The following CNTLN variants were observed in gnomAD, a reference collection of about 807,000 sequenced individuals.
The protein encoded by CNTLN is centlein, centrosomal protein.
Under a neutral mutation model 180.0 loss-of-function variants are expected in CNTLN, and 212 were observed. The ratio of observed to expected loss-of-function variants is 1.18; its 90% CI spans 1.05 to 1.32. The LOEUF (loss-of-function observed/expected upper bound fraction) is 1.32, where lower values mean the gene tolerates loss of function less well. Among genes scored for constraint, CNTLN ranks in the 40% most tolerant of loss-of-function variants. The pLI is 0.00. For synonymous variants in CNTLN, 722 were observed against 563.1 expected, an observed-to-expected ratio of 1.28 and a Z score of -3.99; for missense variants, 2,095 against 1,610.9, an observed-to-expected ratio of 1.30 and a Z score of -5.14.
chr9:17,415,930 A>G (rs1275076654), intron 17 of CNTLN, 36 bp from the exon 18 acceptor site: 1 of 1,585,842 alleles, frequency 6.3e-7, no homozygotes, highest in Non-Finnish European at 8.6e-7. Flanking sequence ...ATTTAAATCT[A>G]ATTTTTAAAA....
At chr9:17,319,173 G>T (rs989442526) in intron 8 of CNTLN, among the ~76,000 whole-genome samples, 1 of 152,200 alleles carries the variant, frequency 6.6e-6, no homozygotes, top group Non-Finnish European at 1.5e-5. Flanking sequence ...TGTCAGAAGC[G>T]CACTGGCATA....
At chr9:17,518,386 TTA>T in the CNTLN span, among the ~76,000 whole-genome samples, 1 of 152,136 alleles carries the variant, frequency 6.6e-6, no homozygotes, top group Non-Finnish European at 1.5e-5. Flanking sequence ...AGTATACTGT[TTA>T]TGTGCTGTGG....
intron 23 of CNTLN, among the ~76,000 whole-genome samples, chr9:17,482,864 A>G (rs2134305476): frequency 1.3e-5 from 2 of 152,270 alleles, no homozygotes; most frequent in South Asian, 4.1e-4. Flanking sequence ...ATTTTATTTA[A>G]TAATCTTCTA....
In CNTLN at chr9:17,312,674, A is replaced by G. The variant is rs573671785; in HGVS notation, c.1341+3422A>G. On this transcript the variant is annotated intron_variant, in intron 8 of 25. Coordinates refer to ENST00000380647, the MANE Select transcript of CNTLN (RefSeq NM_017738.4). ...CACCTCCGCCTCCCAAAGTGCTGGG[A>G]TTACAGGCGTGAGCCACCACGCCAG... 9.3e-5 allele frequency among the ~76,000 whole-genome samples: 14 copies of G among 149,968 alleles called. No homozygotes were observed. The South Asian group carries it at 2.7e-3, about 29-fold the overall frequency.
intron 7 of CNTLN, among the ~76,000 whole-genome samples, chr9:17,308,575 A>G (rs1457743328): frequency 6.6e-6 from 1 of 152,108 alleles, no homozygotes; most frequent in Admixed American, 6.5e-5. Context: ...TTAAACTGAT[A>G]TACCTTGTGC....
intron 13 of CNTLN, among the ~76,000 whole-genome samples, chr9:17,382,986 A>G (rs1201837161): frequency 2.6e-5 from 4 of 152,130 alleles, no homozygotes; most frequent in Non-Finnish European, 4.4e-5. Context: ...ACACAGTACT[A>G]TATTCCTTTC....
intron 12 of CNTLN, among the ~76,000 whole-genome samples, chr9:17,359,146 G>C (rs1232706272): frequency 6.6e-6 from 1 of 151,934 alleles, no homozygotes; most frequent in African/African-American, 2.4e-5. Context: ...AGCCCCCCAA[G>C]TAGTTGGTAC....
At chr9:17,441,870 G>C (rs1035026308) in intron 18 of CNTLN, among the ~76,000 whole-genome samples, 2 of 151,962 alleles carry the variant, frequency 1.3e-5, no homozygotes, top group African/African-American at 4.8e-5. Context: ...CCATACAAAG[G>C]GTAAGCAAAG....
At chr9:17,403,943 T>G (rs1363906708) in intron 15 of CNTLN, among the ~76,000 whole-genome samples, 2 of 151,572 alleles carry the variant, frequency 1.3e-5, no homozygotes, top group Non-Finnish European at 2.9e-5. Flanking sequence ...ACCCGGCTAA[T>G]TTTTGTATTT....
intron 25 of CNTLN, among the ~76,000 whole-genome samples, chr9:17,490,916 A>C (rs1227363257): frequency 6.6e-6 from 1 of 152,124 alleles, no homozygotes; most frequent in Non-Finnish European, 1.5e-5. Flanking sequence ...AAATATGAGT[A>C]AATGATATAA....
intron 18 of CNTLN, among the ~76,000 whole-genome samples, chr9:17,418,109 A>G (rs1042081131): frequency 1.3e-5 from 2 of 151,948 alleles, no homozygotes; most frequent in Non-Finnish European, 2.9e-5. Flanking sequence ...TCATTGTTAT[A>G]TGTAATTTTA....
chr9:17,517,123 G>T, the CNTLN span, among the ~76,000 whole-genome samples: 3 of 152,032 alleles, frequency 2.0e-5, no homozygotes, highest in South Asian at 6.2e-4. Context: ...CGGGCGCGGT[G>T]GCTCACGCCT....
intron 18 of CNTLN, among the ~76,000 whole-genome samples, chr9:17,423,874 T>G (rs1040214127): frequency 2.6e-5 from 4 of 152,122 alleles, no homozygotes; most frequent in African/African-American, 9.7e-5. Context: ...GTAGCACTGC[T>G]GGGGAATGAG....
intron 16 of CNTLN, among the ~76,000 whole-genome samples, chr9:17,415,056 A>T (rs1343854023): frequency 6.6e-6 from 1 of 152,088 alleles, no homozygotes; most frequent in African/African-American, 2.4e-5. Flanking sequence ...ACTGTACTCC[A>T]GCCTGAGTGA....
intron 25 of CNTLN, among the ~76,000 whole-genome samples, chr9:17,500,449 T>C (rs1833684847): frequency 6.6e-6 from 1 of 152,220 alleles, no homozygotes; most frequent in African/African-American, 2.4e-5. Flanking sequence ...CATTGTGGAC[T>C]GGTGAAAGGT....
chr9:17,389,017 T>C (rs1480730262), intron 14 of CNTLN, among the ~76,000 whole-genome samples: 1 of 151,998 alleles, frequency 6.6e-6, no homozygotes, highest in Non-Finnish European at 1.5e-5. Context: ...TTTTAGTTTT[T>C]TACAGAACCT....
chr9:17,232,738 C>T (rs571706305), intron 3 of CNTLN, among the ~76,000 whole-genome samples: 4 of 151,748 alleles, frequency 2.6e-5, no homozygotes, highest in South Asian at 4.2e-4. Context: ...TAGCAACACT[C>T]GGTAGTTTGT....
chr9:17,432,599 A>G (rs1829480867), intron 18 of CNTLN, among the ~76,000 whole-genome samples: 1 of 152,028 alleles, frequency 6.6e-6, no homozygotes, highest in Non-Finnish European at 1.5e-5. Flanking sequence ...TTTTCAAGAG[A>G]AGTTAGAATG....
At chr9:17,371,492 G>T (rs981000639) in intron 13 of CNTLN, among the ~76,000 whole-genome samples, 4 of 152,122 alleles carry the variant, frequency 2.6e-5, no homozygotes, top group Non-Finnish European at 5.9e-5. Flanking sequence ...GAGCTAAAGA[G>T]AAATGTAGAC....
Sources: gnomAD v4.1 joint callset for allele counts (sites outside exome capture counted in the v4.1 genomes callset) on GRCh38, gnomAD v4.1.1 for gene constraint, MANE v1.5 for transcripts, NCBI Gene and HGNC (gene_info 2026-07-23, HGNC 2026-07-21) for gene names.